The following PDE8B variants were observed in gnomAD, a reference collection of about 807,000 sequenced individuals.
PDE8B encodes high affinity cAMP-specific and IBMX-insensitive 3',5'-cyclic phosphodiesterase 8B.
PDE8B carries 26 observed loss-of-function variants against 101.3 expected under a neutral mutation model. That is an observed-to-expected ratio of 0.26 (90% CI 0.19 to 0.36). The LOEUF is 0.36. Ranked by LOEUF, PDE8B falls within the 10% of genes least tolerant of loss-of-function variation. PDE8B has a pLI of 1.00. For synonymous variants in PDE8B, 424 were observed against 429.3 expected (o/e 0.99, Z 0.15); for missense variants, 810 against 1,163.1 (o/e 0.70, Z 4.42).
At chr5:77,407,356 C>G in intron 12 of PDE8B, 25 bp from the exon 13 acceptor site, 1 of 1,605,356 alleles carries the variant, frequency 6.2e-7, no homozygotes, top group Non-Finnish European at 8.5e-7. Context: ...CGGAACTGGA[C>G]ACAGCTTTCT....
At chr5:77,290,865 G>A (rs1030091196) in intron 1 of PDE8B, 2 of 1,572,278 alleles carry the variant, frequency 1.3e-6, no homozygotes, top group Admixed American at 3.3e-5. Flanking sequence ...CCTCATTAGT[G>A]TGGCTGTCAC....
At chr5:77,351,032 G>A (rs1458814339) in intron 8 of PDE8B, 33 bp from the exon 9 acceptor site, 2 of 1,515,892 alleles carry the variant, frequency 1.3e-6, no homozygotes, top group Non-Finnish European at 1.8e-6. Context: ...ATCCTTGACT[G>A]AAGGATTTTA....
At chr5:77,101,778 A>G in the PDE8B span, among the ~76,000 whole-genome samples, 3 of 152,054 alleles carry the variant, frequency 2.0e-5, no homozygotes, top group African/African-American at 7.2e-5. Flanking sequence ...CTAAAAACAT[A>G]TACTGTGTAG....
chr5:77,109,886 A>G, the PDE8B span, among the ~76,000 whole-genome samples: 3 of 151,762 alleles, frequency 2.0e-5, no homozygotes, highest in African/African-American at 7.3e-5. Flanking sequence ...GATACAATAG[A>G]AATGAATCAC....
intron 1 of PDE8B, among the ~76,000 whole-genome samples, chr5:77,254,204 G>A: frequency 6.6e-6 from 1 of 151,942 alleles, no homozygotes; most frequent in East Asian, 2.0e-4. Flanking sequence ...CTCCTTGAAA[G>A]AACTTAAGTG....
intron 1 of PDE8B, among the ~76,000 whole-genome samples, chr5:77,232,859 T>G (rs1753850142): frequency 6.6e-6 from 1 of 152,218 alleles, no homozygotes; most frequent in South Asian, 2.1e-4. Context: ...TGATAAAAAT[T>G]TGTAATCCAG....
chr5:77,355,330 T>C (rs892166289), intron 10 of PDE8B, among the ~76,000 whole-genome samples: 7 of 152,192 alleles, frequency 4.6e-5, no homozygotes, highest in African/African-American at 1.7e-4. Flanking sequence ...GACATTTAGA[T>C]TTTCTAATAA....
At chr5:77,151,015 A>C in the PDE8B span, among the ~76,000 whole-genome samples, 1 of 152,192 alleles carries the variant, frequency 6.6e-6, no homozygotes, top group South Asian at 2.1e-4. Context: ...TGTTTATATG[A>C]ATGCAGTGTG....
chr5:77,404,679 G>A (rs201716785), intron 11 of PDE8B, 41 bp from the exon 12 acceptor site: 154 of 1,167,284 alleles, frequency 1.3e-4, no homozygotes, highest in African/African-American at 1.1e-3. Context: ...GTGAATACAC[G>A]GAAAACTAAT....
At chr5:77,249,948 C>T (rs913110077) in intron 1 of PDE8B, among the ~76,000 whole-genome samples, 3 of 152,206 alleles carry the variant, frequency 2.0e-5, no homozygotes, top group East Asian at 3.9e-4. Flanking sequence ...AAGATGTATG[C>T]AGAGGTTTCT....
the PDE8B span, chr5:77,114,853 T>C: frequency 1.3e-5 from 2 of 152,252 alleles, no homozygotes; most frequent in Non-Finnish European, 2.9e-5. Context: ...GGTACCATTT[T>C]AGCACAGGTA....
the PDE8B span, among the ~76,000 whole-genome samples, chr5:77,175,460 AG>A: frequency 6.6e-6 from 1 of 152,154 alleles, no homozygotes; most frequent in Non-Finnish European, 1.5e-5. Context: ...TTGCATTCCC[AG>A]CTCCCTTGGG....
At chr5:77,302,242 C>G (rs1051398036) in intron 1 of PDE8B, among the ~76,000 whole-genome samples, 1 of 152,320 alleles carries the variant, frequency 6.6e-6, no homozygotes, top group South Asian at 2.1e-4. Context: ...ACGATGGCCT[C>G]TTTATCTTTT....
chr5:77,364,169 G>C (rs886137611), intron 10 of PDE8B, among the ~76,000 whole-genome samples: 10 of 152,200 alleles, frequency 6.6e-5, no homozygotes, highest in African/African-American at 2.4e-4. Context: ...CCTCGTCCAG[G>C]AGTGGGCAAG....
chr5:77,393,766 T>TA (rs1790447865), intron 10 of PDE8B, among the ~76,000 whole-genome samples: 1 of 152,242 alleles, frequency 6.6e-6, no homozygotes, highest in South Asian at 2.1e-4. Flanking sequence ...ACATAGGTAC[T>TA]ATACCTGTAG....
At chr5:77,197,171 G>A in the PDE8B span, among the ~76,000 whole-genome samples, 7 of 148,136 alleles carry the variant, frequency 4.7e-5, no homozygotes, top group Non-Finnish European at 1.0e-4. Context: ...GGAGGGCAGT[G>A]GCATGATCTC....
At chr5:77,342,293 G>A (rs1779345549) in intron 6 of PDE8B, among the ~76,000 whole-genome samples, 1 of 152,060 alleles carries the variant, frequency 6.6e-6, no homozygotes, top group Admixed American at 6.6e-5. Context: ...TATCTGTTTT[G>A]ATCTTTACAA....
chr5:77,337,209 T>C lies in PDE8B; in HGVS notation c.709-18T>C. 3 of 1,348,440 alleles carry C rather than the reference T, an allele frequency of 2.2e-6. No individual in the cohort carries two copies. Among genetic ancestry groups the C allele is most frequent in the Non-Finnish European group, 3.2e-6 (3 of 943,444 alleles). 83.5% of individuals were successfully genotyped at this position (1,348,440 alleles called of 1,614,324 possible). Reference sequence around the variant, plus strand: ...GTAATTATATATGTCTTATGTATTGTCTTTGCTTTCTTTTCAGAGATTTAT... The same window carrying C: ...GTAATTATATATGTCTTATGTATTGCCTTTGCTTTCTTTTCAGAGATTTAT... On this transcript the variant is annotated intron_variant, in intron 5 of 21. Coordinates refer to ENST00000264917, the MANE Select transcript of PDE8B (RefSeq NM_003719.5).
intron 11 of PDE8B, among the ~76,000 whole-genome samples, chr5:77,403,532 AG>A (rs1792755366): frequency 6.6e-6 from 1 of 152,292 alleles, no homozygotes; most frequent in African/African-American, 2.4e-5. Context: ...CCCATTTAAA[AG>A]CCTTCCCTAT....
Sources: allele counts gnomAD v4.1 joint callset (sites outside exome capture counted in the v4.1 genomes callset), GRCh38; gene constraint gnomAD v4.1.1; transcripts MANE v1.5; gene names NCBI Gene and HGNC (gene_info 2026-07-23, HGNC 2026-07-21).